Variants in HIVEP3 observed in about 807,000 individuals in gnomAD.
The protein encoded by HIVEP3 is transcription factor HIVEP3.
Under a neutral mutation model 152.8 loss-of-function variants are expected in HIVEP3, and 49 were observed. That is an observed-to-expected ratio of 0.32 (90% CI 0.26 to 0.41). The LOEUF is 0.41. Among genes scored for constraint, HIVEP3 ranks in the 10% least tolerant of loss-of-function variants. The probability of loss-of-function intolerance (pLI) is 1.00; values close to 1 mark genes in which losing one functional copy is unlikely to be tolerated. For synonymous variants in HIVEP3, 1,269 were observed against 1,289.0 expected, an observed-to-expected ratio of 0.98 and a Z score of 0.33; for missense variants, 2,790 against 3,103.3, an observed-to-expected ratio of 0.90 and a Z score of 2.40.
intron 1 of HIVEP3, among the ~76,000 whole-genome samples, chr1:41,878,798 T>C (rs1372917873): frequency 7.3e-6 from 1 of 136,566 alleles, no homozygotes; most frequent in Non-Finnish European, 1.6e-5. Flanking sequence ...CTACCTTTCT[T>C]CCTCCCCTTC....
Position 41,580,394 on chromosome 1 carries a change from G to C in HIVEP3, c.4404C>G (p.Cys1468Trp). ...ADEKLELVKPCSVVLTSTEDG... is the reference protein window; with the variant it reads ...ADEKLELVKPWSVVLTSTEDG... ...CCTCGGTGCTGGTAAGGACCACACT[G>C]CATGGTTTTACCAGCTCAAGTTTTT... Residue 1468 changes from cysteine to tryptophan, a missense_variant, in exon 4 of 9, where the codon TGC becomes TGG. This residue lies in a region of HIVEP3 where 1,078 missense variants were observed against 1,165.3 expected (regional missense o/e 0.93). Coordinates refer to ENST00000372583, the MANE Select transcript of HIVEP3 (RefSeq NM_024503.5). The C allele has an allele frequency of 6.2e-7, 1 of 1,614,192 alleles. No homozygotes were observed.
intron 2 of HIVEP3, among the ~76,000 whole-genome samples, chr1:41,661,209 A>T (rs1645706727): frequency 6.6e-6 from 1 of 152,198 alleles, no homozygotes; most frequent in Non-Finnish European, 1.5e-5. Context: ...ATAGACCCAT[A>T]ATTTGGCTCT....
chr1:41,712,350 G>T (rs1283215033), intron 1 of HIVEP3, among the ~76,000 whole-genome samples: 4 of 152,250 alleles, frequency 2.6e-5, no homozygotes, highest in African/African-American at 9.6e-5. Flanking sequence ...GCACTGCTCA[G>T]GTGCTGGAGA....
At chr1:41,748,046 C>A (rs1271778988) in intron 1 of HIVEP3, among the ~76,000 whole-genome samples, 1 of 152,208 alleles carries the variant, frequency 6.6e-6, no homozygotes, top group East Asian at 1.9e-4. Context: ...AAGGCCAGGG[C>A]AGGCACATGG....
intron 5 of HIVEP3, among the ~76,000 whole-genome samples, chr1:41,536,504 G>A (rs1207021089): frequency 1.3e-5 from 2 of 152,114 alleles, no homozygotes; most frequent in Non-Finnish European, 2.9e-5. Flanking sequence ...GGAGGCTCAG[G>A]GCACTAGAGG....
intron 1 of HIVEP3, among the ~76,000 whole-genome samples, chr1:41,797,763 C>T (rs934581407): frequency 6.8e-4 from 103 of 152,054 alleles, no homozygotes; most frequent in African/African-American, 2.4e-3. Flanking sequence ...CCAAGGCAGG[C>T]GGATCATAAG....
intron 1 of HIVEP3, among the ~76,000 whole-genome samples, chr1:41,858,675 T>A (rs1643837052): frequency 6.6e-6 from 1 of 152,050 alleles, no homozygotes; most frequent in African/African-American, 2.4e-5. Flanking sequence ...GAGCTTACAA[T>A]CCAGCGGGTG....
intron 1 of HIVEP3, among the ~76,000 whole-genome samples, chr1:41,948,645 T>C (rs775984270): frequency 6.6e-6 from 1 of 151,894 alleles, no homozygotes; most frequent in Non-Finnish European, 1.5e-5. Context: ...GAAGAAGAAA[T>C]GGAATGGAGA....
At chr1:41,783,055 C>T (rs1341794189) in intron 1 of HIVEP3, among the ~76,000 whole-genome samples, 1 of 152,124 alleles carries the variant, frequency 6.6e-6, no homozygotes, top group East Asian at 1.9e-4. Flanking sequence ...GGGTTCCTCC[C>T]AAAACAAAAG....
At position 41,506,672 on chromosome 1, in the gene HIVEP3, G is replaced by A. The variant is rs1644386677; in HGVS notation, c.*3779C>T. On this transcript the variant is annotated 3_prime_UTR_variant, in exon 9 of 9. Coordinates refer to ENST00000372583, the MANE Select transcript of HIVEP3 (RefSeq NM_024503.5). Reference sequence around the variant, plus strand: ...TACCAACATTGCAAGATGCAAGTGTGGAAACTGGAGTTTAAATAAAATTAC... The same window carrying A: ...TACCAACATTGCAAGATGCAAGTGTAGAAACTGGAGTTTAAATAAAATTAC... 6.6e-6 allele frequency: 1 copy of A among 150,972 alleles called. No homozygotes were observed. Among genetic ancestry groups the A allele is most frequent in the Non-Finnish European group, 1.5e-5 (1 of 67,884 alleles). The allele number at this position is 150,972 out of a possible 1,614,324, so 9.4% of individuals were successfully genotyped here. A position where few individuals can be genotyped will look rare whatever the true frequency, so the allele number is the denominator to read the frequency against.
At chr1:41,863,525 G>C (rs966439064) in intron 1 of HIVEP3, among the ~76,000 whole-genome samples, 1 of 152,214 alleles carries the variant, frequency 6.6e-6, no homozygotes, top group Admixed American at 6.5e-5. Flanking sequence ...CAGACCTTCA[G>C]AGAAAGGAAG....
chr1:42,017,579 C>T (rs1645531010), intron 1 of HIVEP3, among the ~76,000 whole-genome samples: 1 of 151,998 alleles, frequency 6.6e-6, no homozygotes, highest in Non-Finnish European at 1.5e-5. Flanking sequence ...GTGACATACG[C>T]CCATGTTTTT....
chr1:41,974,807 T>C (rs558431898), intron 1 of HIVEP3, among the ~76,000 whole-genome samples: 1 of 152,244 alleles, frequency 6.6e-6, no homozygotes, highest in African/African-American at 2.4e-5. Flanking sequence ...GCCGTACCTA[T>C]GGTAGTCACC....
At chr1:41,866,688 T>C (rs1643981667) in intron 1 of HIVEP3, among the ~76,000 whole-genome samples, 1 of 152,246 alleles carries the variant, frequency 6.6e-6, no homozygotes, top group Admixed American at 6.5e-5. Flanking sequence ...GCTCAGTTTC[T>C]GACCTTGGGT....
Position 41,575,544 on chromosome 1 carries a change from C to T in HIVEP3, c.5207G>A (p.Gly1736Glu). 1 of 1,613,894 alleles carries T rather than the reference C, an allele frequency of 6.2e-7. No individual in the cohort carries two copies. The highest frequency in any genetic ancestry group is 8.5e-7 in the Non-Finnish European group (1 of 1,179,876). ...EPARIKIFEG[G>E]YKSNEEYVYV... ...GATGGAAACCAAACATGAGTCTTAC[C>T]CTCCTTCGAAGATTTTGATCCTCGC... The change falls in exon 5 of 9, where the codon GGG (glycine) becomes GAG (glutamate). Residue 1736 changes from glycine (G) to glutamate (E), a missense_variant and splice_region_variant. By Grantham distance (98) the Gly-to-Glu change is moderately conservative. This residue lies in a region of HIVEP3 where 1,078 missense variants were observed against 1,165.3 expected (regional missense o/e 0.93). Coordinates refer to ENST00000372583, the MANE Select transcript of HIVEP3 (RefSeq NM_024503.5).
intron 1 of HIVEP3, among the ~76,000 whole-genome samples, chr1:41,891,686 T>C (rs1644449373): frequency 6.6e-6 from 1 of 152,246 alleles, no homozygotes; most frequent in Non-Finnish European, 1.5e-5. Context: ...AAGTCCTTGG[T>C]AACTCACTTT....
At chr1:41,938,461 G>A (rs1645030300) in intron 1 of HIVEP3, among the ~76,000 whole-genome samples, 1 of 152,180 alleles carries the variant, frequency 6.6e-6, no homozygotes, top group Non-Finnish European at 1.5e-5. Flanking sequence ...GAAGGTCAGG[G>A]GAAGATGAAG....
intron 1 of HIVEP3, among the ~76,000 whole-genome samples, chr1:41,807,849 A>T (rs1373551182): frequency 1.3e-5 from 2 of 152,150 alleles, no homozygotes; most frequent in Admixed American, 6.5e-5. Context: ...GGGGACAAAG[A>T]TCAGGGCAAA....
chr1:41,687,253 C>A (rs1442278964), intron 2 of HIVEP3, among the ~76,000 whole-genome samples: 1 of 152,220 alleles, frequency 6.6e-6, no homozygotes, highest in Non-Finnish European at 1.5e-5. Flanking sequence ...GGCATTTATG[C>A]AACTTCTGAA....
Sources: allele counts gnomAD v4.1 joint callset (sites outside exome capture counted in the v4.1 genomes callset), GRCh38; gene constraint gnomAD v4.1.1; regional missense constraint gnomAD v4.1.1; transcripts MANE v1.5; gene names NCBI Gene and HGNC (gene_info 2026-07-23, HGNC 2026-07-21).